The following DNER variants were observed in gnomAD, a reference collection of about 807,000 sequenced individuals.
DNER encodes the protein delta/notch like EGF repeat containing, also known as delta and Notch-like epidermal growth factor-related receptor.
Under a neutral mutation model 78.2 loss-of-function variants are expected in DNER, and 33 were observed. That is an observed-to-expected ratio of 0.42 (90% CI 0.32 to 0.56). The LOEUF (loss-of-function observed/expected upper bound fraction) is 0.56, where lower values mean the gene tolerates loss of function less well. Ranked by LOEUF, DNER falls within the 20% of genes least tolerant of loss-of-function variation. The probability of loss-of-function intolerance (pLI) is 0.11; values close to 1 mark genes in which losing one functional copy is unlikely to be tolerated. For missense variants in DNER, 918 were observed against 975.3 expected (o/e 0.94, Z 0.78); for synonymous variants, 417 against 384.8 (o/e 1.08, Z -0.98).
intron 1 of DNER, among the ~76,000 whole-genome samples, chr2:229,677,556 A>G (rs1308459602): frequency 3.3e-5 from 5 of 152,230 alleles, no homozygotes; most frequent in Non-Finnish European, 7.3e-5. Context: ...ATAACTTTGA[A>G]GACCCACTCT....
At chr2:229,706,753 T>C (rs1393294706) in intron 1 of DNER, among the ~76,000 whole-genome samples, 1 of 152,188 alleles carries the variant, frequency 6.6e-6, no homozygotes, top group Non-Finnish European at 1.5e-5. Context: ...GAGTTTTTTT[T>C]AATGTAGAGG....
intron 8 of DNER, among the ~76,000 whole-genome samples, chr2:229,443,893 G>A (rs1282885960): frequency 6.6e-6 from 1 of 152,140 alleles, no homozygotes; most frequent in African/African-American, 2.4e-5. Context: ...GTTCTTGCCT[G>A]GTGTTAAGAT....
intron 1 of DNER, among the ~76,000 whole-genome samples, chr2:229,624,021 T>C (rs1399775320): frequency 1.3e-5 from 2 of 152,172 alleles, no homozygotes; most frequent in Non-Finnish European, 2.9e-5. Context: ...GAATGGACTT[T>C]AAAAGTCTTA....
chr2:229,362,142 C>T (rs1157689831), intron 12 of DNER, among the ~76,000 whole-genome samples: 1 of 152,198 alleles, frequency 6.6e-6, no homozygotes, highest in South Asian at 2.1e-4. Context: ...CCTAGCCCCT[C>T]GAGGGGTGAT....
chr2:229,438,086 T>C (rs1402562118), intron 8 of DNER, among the ~76,000 whole-genome samples: 1 of 152,212 alleles, frequency 6.6e-6, no homozygotes, highest in Non-Finnish European at 1.5e-5. Flanking sequence ...TCACAGGTAG[T>C]TCTCAGCATC....
chr2:229,486,541 T>C (rs567431455), intron 6 of DNER, among the ~76,000 whole-genome samples: 2 of 152,150 alleles, frequency 1.3e-5, no homozygotes, highest in South Asian at 4.2e-4. Context: ...CTGAGAGAGC[T>C]CATTAAGAGG....
intron 6 of DNER, among the ~76,000 whole-genome samples, chr2:229,509,366 A>T (rs1444840838): frequency 6.6e-6 from 1 of 152,276 alleles, no homozygotes; most frequent in Non-Finnish European, 1.5e-5. Context: ...ATAGAGGAAT[A>T]GCTTAAAACA....
intron 1 of DNER, among the ~76,000 whole-genome samples, chr2:229,624,507 T>G (rs55667324): frequency 6.7e-6 from 1 of 150,356 alleles, no homozygotes; most frequent in Non-Finnish European, 1.5e-5. Context: ...AAAAAAAAAA[T>G]AGTTAAATAA....
chr2:229,599,614 T>C (rs963032122), intron 1 of DNER, among the ~76,000 whole-genome samples: 1 of 152,218 alleles, frequency 6.6e-6, no homozygotes, highest in African/African-American at 2.4e-5. Flanking sequence ...AAGGGAACAG[T>C]GCATTTCACT....
chr2:229,437,458 T>C (rs1489888312), intron 8 of DNER, among the ~76,000 whole-genome samples: 1 of 152,222 alleles, frequency 6.6e-6, no homozygotes, highest in Non-Finnish European at 1.5e-5. Flanking sequence ...GGTTGTTGTA[T>C]AAATCCAAAC....
Position 229,530,918 on chromosome 2 carries a change from A to G in DNER, c.993+16029T>C, listed in dbSNP as rs549812491. Among the ~76,000 whole-genome samples, 5 of 152,312 alleles carry G rather than the reference A, an allele frequency of 3.3e-5. No homozygotes were observed. The East Asian group carries it at 9.6e-4, about 29-fold the overall frequency. ...GGGATTATTCTTGCAGTACAAGGAA[A>G]AAGCAATCTAAAGGAAGAAACCCAT... On this transcript the variant is annotated intron_variant, in intron 5 of 12. Transcript: ENST00000341772.
At chr2:229,658,927 T>C (rs79449403) in intron 1 of DNER, among the ~76,000 whole-genome samples, 1,715 of 152,324 alleles carry the variant, frequency 0.011, 35 homozygotes, top group African/African-American at 0.039. Context: ...AAATAGAGGT[T>C]ACAAAATTAG....
chr2:229,714,381 G>A lies in DNER; in HGVS notation c.43C>T (p.Pro15Ser), dbSNP rs958081334. ...AGCAGCAGCAGCAGGGCCAGCGCGG[G>A]CAGCAGCTGCGCACCGGGCGCCTGG... The part of the protein sequence containing the change: ...RAQAPGAQLL[P>S]ALALLLLLLG... The change falls in exon 1 of 13, where the codon CCC becomes TCC. Residue 15 changes from proline (P) to serine (S), a missense_variant. Coordinates refer to ENST00000341772, the MANE Select transcript of DNER (RefSeq NM_139072.4). 4.1e-6 allele frequency: 5 copies of A among 1,206,866 alleles called. No homozygotes were observed. The highest frequency in any genetic ancestry group is 5.1e-6 in the Non-Finnish European group (5 of 975,128). The allele number at this position is 1,206,866 out of a possible 1,614,324, so 74.8% of individuals were successfully genotyped here. A position where few individuals can be genotyped will look rare whatever the true frequency, so the allele number is the denominator to read the frequency against.
chr2:229,449,034 A>G (rs376179097), intron 7 of DNER, among the ~76,000 whole-genome samples: 41 of 152,340 alleles, frequency 2.7e-4, no homozygotes, highest in African/African-American at 8.7e-4. Flanking sequence ...TTCTCTGTGC[A>G]GTATAGAAAT....
At chr2:229,630,653 T>C (rs1450772159) in intron 1 of DNER, among the ~76,000 whole-genome samples, 1 of 152,056 alleles carries the variant, frequency 6.6e-6, no homozygotes, top group African/African-American at 2.4e-5. Flanking sequence ...AAAAATCAAC[T>C]TTTTAGATTC....
intron 8 of DNER, among the ~76,000 whole-genome samples, chr2:229,441,390 T>A (rs1019442159): frequency 2.0e-5 from 3 of 152,172 alleles, no homozygotes; most frequent in Non-Finnish European, 4.4e-5. Context: ...GTTGAACAAG[T>A]TGAGTTTATT....
At chr2:229,586,171 T>C in intron 3 of DNER, 147 bp from the exon 4 acceptor site, 2 of 1,009,730 alleles carry the variant, frequency 2.0e-6, no homozygotes, top group Non-Finnish European at 2.8e-6. Context: ...TACGCGGGCG[T>C]CCACTGTAAA....
intron 1 of DNER, among the ~76,000 whole-genome samples, chr2:229,631,424 T>G: frequency 6.6e-6 from 1 of 152,260 alleles, no homozygotes; most frequent in East Asian, 1.9e-4. Context: ...TACTCTGAGC[T>G]CCCCTCCAGC....
intron 4 of DNER, among the ~76,000 whole-genome samples, chr2:229,550,063 G>A (rs879683782): frequency 2.0e-4 from 30 of 151,254 alleles, no homozygotes; most frequent in Admixed American, 5.3e-4. Flanking sequence ...CATAATCTTG[G>A]TTCACTGCAA....
Sources: allele counts gnomAD v4.1 joint callset (sites outside exome capture counted in the v4.1 genomes callset), GRCh38; gene constraint gnomAD v4.1.1; transcripts MANE v1.5; gene names NCBI Gene and HGNC (gene_info 2026-07-23, HGNC 2026-07-21).